MSRB3: variants seen among roughly 807,000 people sequenced by gnomAD.
The protein encoded by MSRB3 is methionine sulfoxide reductase B3.
In MSRB3, 13 loss-of-function variants were observed where a neutral mutation model predicts 21.0. The observed-to-expected ratio is 0.62, with a 90% CI of 0.40 to 0.98. The LOEUF is 0.98. Among genes scored for constraint, MSRB3 ranks in the 50% least tolerant of loss-of-function variants. MSRB3 has a pLI of 0.00. For missense variants in MSRB3, 199 were observed against 230.3 expected, an observed-to-expected ratio of 0.86 and a Z score of 0.88; for synonymous variants, 87 against 88.6, an observed-to-expected ratio of 0.98 and a Z score of 0.10.
intron 4 of MSRB3, among the ~76,000 whole-genome samples, chr12:65,331,226 A>G (rs1424076658): frequency 6.6e-6 from 1 of 152,256 alleles, no homozygotes; most frequent in East Asian, 1.9e-4. Context: ...GTCAGGACAC[A>G]GAATACACAG....
chr12:65,322,221 A>G (rs1317256180), intron 2 of MSRB3, among the ~76,000 whole-genome samples: 1 of 152,224 alleles, frequency 6.6e-6, no homozygotes, highest in African/African-American at 2.4e-5. Flanking sequence ...GACATTGGCT[A>G]ATAGATAAAT....
intron 5 of MSRB3, among the ~76,000 whole-genome samples, chr12:65,429,945 T>C (rs1419553045): frequency 6.6e-6 from 1 of 152,182 alleles, no homozygotes; most frequent in Non-Finnish European, 1.5e-5. Flanking sequence ...ACCAGTTCAG[T>C]CCCTGCACTA....
At chr12:65,351,053 T>C (rs1170570957) in intron 4 of MSRB3, among the ~76,000 whole-genome samples, 1 of 151,948 alleles carries the variant, frequency 6.6e-6, no homozygotes, top group Non-Finnish European at 1.5e-5. Context: ...ATTGACCACA[T>C]AGTTGGAAGT....
intron 2 of MSRB3, among the ~76,000 whole-genome samples, chr12:65,323,804 A>G (rs558659615): frequency 9.2e-5 from 14 of 152,290 alleles, no homozygotes; most frequent in South Asian, 4.1e-4. Flanking sequence ...CTGTGTTTAT[A>G]TATACCAATA....
At position 65,321,734 on chromosome 12, in the gene MSRB3, A is replaced by G. The variant is rs546996978; in HGVS notation, c.77-5092A>G. ...TAAATTTGACTTTTCCAAATGGCCA[A>G]TTATTTAGAAATTCTAACACTATAC... On this transcript the variant is annotated intron_variant, in intron 2 of 6. Coordinates refer to ENST00000308259, the MANE Select transcript of MSRB3 (RefSeq NM_001031679.3). Among the ~76,000 whole-genome samples the G allele has an allele frequency of 1.2e-4, 19 of 152,312 alleles. No individual in the cohort carries two copies. The East Asian group carries it at 2.9e-3, about 23-fold the overall frequency.
intron 4 of MSRB3, 87 bp from the exon 5 acceptor site, chr12:65,368,911 C>A: frequency 7.3e-6 from 5 of 689,538 alleles, no homozygotes; most frequent in East Asian, 3.1e-5. Context: ...TATTACCTCC[C>A]CTCCCAACCA....
intron 4 of MSRB3, among the ~76,000 whole-genome samples, chr12:65,357,380 G>A (rs563562959): frequency 1.3e-5 from 2 of 151,800 alleles, no homozygotes; most frequent in East Asian, 1.9e-4. Flanking sequence ...TTAAAAAATC[G>A]ACTTCATTTT....
At chr12:65,433,269 A>C (rs1173029069) in intron 5 of MSRB3, among the ~76,000 whole-genome samples, 1 of 151,824 alleles carries the variant, frequency 6.6e-6, no homozygotes, top group Non-Finnish European at 1.5e-5. Context: ...TCTTTCTTTA[A>C]AATTTCTTAT....
chr12:65,326,440 T>C (rs1875033229), intron 2 of MSRB3, among the ~76,000 whole-genome samples: 1 of 152,176 alleles, frequency 6.6e-6, no homozygotes, highest in Non-Finnish European at 1.5e-5. Context: ...TTTAACATAA[T>C]ATGCCCATCA....
At chr12:65,426,827 A>G (rs1230745268) in intron 5 of MSRB3, among the ~76,000 whole-genome samples, 3 of 150,730 alleles carry the variant, frequency 2.0e-5, no homozygotes, top group African/African-American at 7.3e-5. Context: ...AGTTCTTTTT[A>G]CTTCTCTATG....
chr12:65,418,825 T>C, intron 5 of MSRB3: 1 of 906,708 alleles, frequency 1.1e-6, no homozygotes, highest in South Asian at 1.3e-5. Context: ...GTTACTGCTG[T>C]CCAAGGCATC....
chr12:65,396,388 T>A (rs1283369490), intron 5 of MSRB3, among the ~76,000 whole-genome samples: 1 of 152,194 alleles, frequency 6.6e-6, no homozygotes, highest in East Asian at 1.9e-4. Flanking sequence ...TTTTTAAAAA[T>A]TAGTTAAGAT....
At chr12:65,414,424 T>C (rs1242625324) in intron 5 of MSRB3, among the ~76,000 whole-genome samples, 1 of 152,188 alleles carries the variant, frequency 6.6e-6, no homozygotes, top group Non-Finnish European at 1.5e-5. Context: ...AAGATTATAA[T>C]ATCATATTTT....
chr12:65,323,541 A>G (rs2136445921), intron 2 of MSRB3, among the ~76,000 whole-genome samples: 1 of 152,364 alleles, frequency 6.6e-6, no homozygotes, highest in Non-Finnish European at 1.5e-5. Flanking sequence ...AAAGGGAAAA[A>G]TCTTTCCCAA....
At chr12:65,419,242 GCCAGC>G in intron 5 of MSRB3, 1 of 724,500 alleles carries the variant, frequency 1.4e-6, no homozygotes, top group Admixed American at 1.9e-5. Context: ...GTTCTTCCGA[GCCAGC>G]TCGTCATATT....
intron 4 of MSRB3, among the ~76,000 whole-genome samples, chr12:65,340,863 A>G (rs995708985): frequency 2.6e-5 from 4 of 152,126 alleles, no homozygotes; most frequent in Non-Finnish European, 4.4e-5. Context: ...ATAAAATAAT[A>G]TACAAAATTT....
At chr12:65,313,142 T>A (rs1874083206) in intron 2 of MSRB3, among the ~76,000 whole-genome samples, 1 of 152,142 alleles carries the variant, frequency 6.6e-6, no homozygotes, top group Non-Finnish European at 1.5e-5. Flanking sequence ...GGTGAATAAG[T>A]ACGTAGTATA....
intron 5 of MSRB3, chr12:65,419,269 T>G (rs1592619160): frequency 1.4e-6 from 1 of 735,706 alleles, no homozygotes; most frequent in Admixed American, 1.8e-5. Context: ...GGCCCAGATG[T>G]CTGCCATGAT....
At chr12:65,444,312 A>C (rs1404186977) in intron 5 of MSRB3, among the ~76,000 whole-genome samples, 2 of 152,186 alleles carry the variant, frequency 1.3e-5, no homozygotes, top group Admixed American at 1.3e-4. Flanking sequence ...ATTGACTCTC[A>C]GTTTGGTGGA....
Sources: gnomAD v4.1 joint callset for allele counts (sites outside exome capture counted in the v4.1 genomes callset) on GRCh38, gnomAD v4.1.1 for gene constraint, MANE v1.5 for transcripts, NCBI Gene and HGNC (gene_info 2026-07-23, HGNC 2026-07-21) for gene names.